DPP6: variants seen among roughly 807,000 people sequenced by gnomAD.
The protein encoded by DPP6 is A-type potassium channel modulatory protein DPP6.
DPP6 carries 69 observed loss-of-function variants against 122.6 expected under a neutral mutation model. The observed-to-expected ratio is 0.56, with a 90% CI of 0.46 to 0.69. DPP6 has a LOEUF of 0.69. Among genes scored for constraint, DPP6 ranks in the 30% least tolerant of loss-of-function variants. The pLI is 0.00. For missense variants in DPP6, 928 were observed against 1,116.9 expected, an observed-to-expected ratio of 0.83 and a Z score of 2.41; for synonymous variants, 418 against 433.1, an observed-to-expected ratio of 0.97 and a Z score of 0.43.
chr7:154,060,330 G>T (rs1447530150), intron 1 of DPP6, among the ~76,000 whole-genome samples: 1 of 85,622 alleles, frequency 1.2e-5, no homozygotes, highest in African/African-American at 4.6e-5. Context: ...CATCGCAGGA[G>T]GGGGAGGCAC....
At chr7:154,864,409 C>A (rs574087713) in intron 17 of DPP6, among the ~76,000 whole-genome samples, 1 of 152,188 alleles carries the variant, frequency 6.6e-6, no homozygotes, top group Non-Finnish European at 1.5e-5. Flanking sequence ...TGAGTCTCTG[C>A]GGTCTCACTG....
At chr7:154,435,083 T>A (rs1340568892) in intron 1 of DPP6, among the ~76,000 whole-genome samples, 2 of 152,166 alleles carry the variant, frequency 1.3e-5, no homozygotes, top group Admixed American at 6.5e-5. Context: ...GTGATCCACC[T>A]GTCTCAGCCT....
At chr7:154,367,250 T>C (rs1812265413) in intron 1 of DPP6, among the ~76,000 whole-genome samples, 1 of 152,230 alleles carries the variant, frequency 6.6e-6, no homozygotes, top group Admixed American at 6.5e-5. Flanking sequence ...TTATGTGTGA[T>C]GGTCCCCTTG....
chr7:154,353,818 T>A (rs1563532374), intron 1 of DPP6, among the ~76,000 whole-genome samples: 1 of 152,254 alleles, frequency 6.6e-6, no homozygotes, highest in Non-Finnish European at 1.5e-5. Context: ...CAAGTGTCTG[T>A]GGCTCACAGA....
chr7:154,079,354 C>T (rs2150525558), intron 1 of DPP6, among the ~76,000 whole-genome samples: 1 of 152,250 alleles, frequency 6.6e-6, no homozygotes, highest in Non-Finnish European at 1.5e-5. Flanking sequence ...AAAAAAGACA[C>T]ATCAGGTGGC....
At chr7:154,129,639 C>T (rs1808212226) in intron 1 of DPP6, among the ~76,000 whole-genome samples, 1 of 152,208 alleles carries the variant, frequency 6.6e-6, no homozygotes, top group Non-Finnish European at 1.5e-5. Context: ...GTGGCTTACG[C>T]CTGTAATCCC....
chr7:154,587,542 A>ATTTTTT, intron 5 of DPP6: 1 of 1,233,642 alleles, frequency 8.1e-7, no homozygotes, highest in Admixed American at 2.5e-5. Context: ...TTGCCCATTG[A>ATTTTTT]TTTTTGTTTC....
Position 154,876,014 on chromosome 7 carries a change from C to T in DPP6, c.1992C>T (p.Gly664=), listed in dbSNP as rs756928581. 4 of 1,613,028 alleles carry T rather than the reference C, an allele frequency of 2.5e-6. No individual in the cohort carries two copies. The highest frequency in any genetic ancestry group is 3.4e-6 in the Non-Finnish European group (4 of 1,179,706). Residue 664 remains glycine, a synonymous_variant, in exon 20 of 26, where the codon GGC becomes GGT. Coordinates refer to ENST00000377770, the MANE Select transcript of DPP6 (RefSeq NM_130797.4). Reference sequence around the variant, plus strand: ...TGGTGGTAAAGTGTGACGGCCGTGGCAGCGGCTTCCAAGGGACCAAGCTCC... The same window carrying T: ...TGGTGGTAAAGTGTGACGGCCGTGGTAGCGGCTTCCAAGGGACCAAGCTCC... The part of the protein sequence containing the change: ...GAVVVKCDGR[G]SGFQGTKLLH...
chr7:153,892,117 T>C (rs1292102952), intron 1 of DPP6, among the ~76,000 whole-genome samples: 2 of 152,226 alleles, frequency 1.3e-5, no homozygotes, highest in East Asian at 3.9e-4. Context: ...CTCTTTTCTA[T>C]GTTGGATAAA....
chr7:154,162,614 G>C (rs1452538453), intron 1 of DPP6, among the ~76,000 whole-genome samples: 2 of 152,192 alleles, frequency 1.3e-5, no homozygotes, highest in Non-Finnish European at 2.9e-5. Context: ...CTAGTGTTGA[G>C]TGGAACTCAA....
intron 1 of DPP6, among the ~76,000 whole-genome samples, chr7:154,431,260 C>A (rs1295585084): frequency 6.6e-6 from 1 of 152,056 alleles, no homozygotes; most frequent in African/African-American, 2.4e-5. Context: ...CTGAGCAGCA[C>A]CAGCTCAGGG....
At chr7:154,266,253 G>T (rs1048740105) in intron 1 of DPP6, among the ~76,000 whole-genome samples, 16 of 152,152 alleles carry the variant, frequency 1.1e-4, no homozygotes, top group African/African-American at 3.1e-4. Context: ...CATATCAGGG[G>T]TGTCCTCAAT....
At chr7:154,472,699 T>A (rs934690418) in intron 2 of DPP6, among the ~76,000 whole-genome samples, 6 of 152,184 alleles carry the variant, frequency 3.9e-5, no homozygotes, top group African/African-American at 1.4e-4. Context: ...GATAAACCAA[T>A]GAATTAGATA....
intron 1 of DPP6, among the ~76,000 whole-genome samples, chr7:154,177,478 T>C (rs1797862549): frequency 6.6e-6 from 1 of 152,164 alleles, no homozygotes; most frequent in African/African-American, 2.4e-5. Context: ...AAAGGTATGC[T>C]GAGGAAAGCC....
chr7:154,127,634 G>GACAC (rs1045351086), intron 1 of DPP6, among the ~76,000 whole-genome samples: 4 of 59,722 alleles, frequency 6.7e-5, no homozygotes, highest in African/African-American at 8.6e-5. Context: ...CACACACACA[G>GACAC]ACACACACAC....
intron 7 of DPP6, among the ~76,000 whole-genome samples, chr7:154,692,052 G>A (rs917531214): frequency 6.6e-6 from 1 of 152,018 alleles, no homozygotes; most frequent in African/African-American, 2.4e-5. Flanking sequence ...TCATGAATAG[G>A]GCAAAAAGAC....
chr7:153,925,748 A>T (rs995478549), intron 1 of DPP6, among the ~76,000 whole-genome samples: 4 of 152,196 alleles, frequency 2.6e-5, no homozygotes, highest in Non-Finnish European at 5.9e-5. Context: ...ATCATCCCAC[A>T]TGGTGGAAGG....
chr7:153,842,252 C>T, the DPP6 span, among the ~76,000 whole-genome samples: 7 of 152,134 alleles, frequency 4.6e-5, no homozygotes, highest in Non-Finnish European at 8.8e-5. Flanking sequence ...AGAAATAACT[C>T]ATTATTCGTT....
chr7:154,103,244 A>G (rs1278509344), intron 1 of DPP6, among the ~76,000 whole-genome samples: 1 of 152,096 alleles, frequency 6.6e-6, no homozygotes, highest in Non-Finnish European at 1.5e-5. Flanking sequence ...TCCTGTTCCT[A>G]AAACCATCTG....
Sources: gnomAD v4.1 joint callset for allele counts (sites outside exome capture counted in the v4.1 genomes callset) on GRCh38, gnomAD v4.1.1 for gene constraint, MANE v1.5 for transcripts, NCBI Gene and HGNC (gene_info 2026-07-23, HGNC 2026-07-21) for gene names.